The following ITIH5 variants were observed in gnomAD, a reference collection of about 807,000 sequenced individuals.
ITIH5 encodes the protein inter-alpha-trypsin inhibitor heavy chain H5.
A neutral mutation model predicts 77.5 loss-of-function variants in ITIH5; 65 were observed. That is an observed-to-expected ratio of 0.84 (90% CI 0.69 to 1.03). The LOEUF is 1.03. Ranked by LOEUF, ITIH5 falls within the 50% of genes least tolerant of loss-of-function variation. ITIH5 has a pLI of 0.00. For synonymous variants in ITIH5, 525 were observed against 494.3 expected, an observed-to-expected ratio of 1.06 and a Z score of -0.82; for missense variants, 1,208 against 1,213.1, an observed-to-expected ratio of 1.00 and a Z score of 0.06.
chr10:7,624,802 T>C lies in ITIH5; in HGVS notation c.653-7520A>G, dbSNP rs1564266492. On this transcript the variant is annotated intron_variant, in intron 5 of 13. Coordinates refer to ENST00000397146, the MANE Select transcript of ITIH5 (RefSeq NM_030569.7). ...CTCTGCCTAAAAAAAAAAAAAAATA[T>C]ATATATATATACACATATATATGTG... 5.1e-5 allele frequency among the ~76,000 whole-genome samples: 6 copies of C among 117,294 alleles called. 1 individual carries two copies. Among genetic ancestry groups the C allele is most frequent in the African/African-American group, 2.1e-4 (6 of 29,192 alleles). The allele number at this position is 117,294 out of a possible 152,430, so 76.9% of individuals were successfully genotyped here.
At chr10:7,639,953 A>C (rs1833856314) in intron 4 of ITIH5, among the ~76,000 whole-genome samples, 1 of 152,080 alleles carries the variant, frequency 6.6e-6, no homozygotes. Flanking sequence ...AAGATAGTCT[A>C]AACACTGTTG....
chr10:7,642,469 T>C (rs1021275788), intron 2 of ITIH5, among the ~76,000 whole-genome samples: 2 of 152,290 alleles, frequency 1.3e-5, no homozygotes, highest in East Asian at 3.9e-4. Context: ...TTATATCACA[T>C]TTACAGGACT....
rs191455717 is a variant in ITIH5, at chr10:7,634,043, C to T, written c.652+3185G>A. Among the ~76,000 whole-genome samples, 3 of 141,698 alleles carry T rather than the reference C, an allele frequency of 2.1e-5. No homozygotes were observed. In the East Asian group the frequency reaches 6.5e-4, roughly 31 times the overall value. 93.0% of individuals were successfully genotyped at this position (141,698 alleles called of 152,430 possible). A position where few individuals can be genotyped will look rare whatever the true frequency, so the allele number is the denominator to read the frequency against. On this transcript the variant is annotated intron_variant, in intron 5 of 13. Coordinates refer to ENST00000397146, the MANE Select transcript of ITIH5 (RefSeq NM_030569.7). Reference sequence around the variant, plus strand: ...GGCGGAGCTTGCAGTGAGCCGAGATCGCGCCACTGCACTCCAGCCTGGGCG... The same window carrying T: ...GGCGGAGCTTGCAGTGAGCCGAGATTGCGCCACTGCACTCCAGCCTGGGCG...
chr10:7,577,788 C>A lies in ITIH5; in HGVS notation c.1419-776G>T, dbSNP rs1588367511. 1.3e-5 allele frequency among the ~76,000 whole-genome samples: 2 copies of A among 152,306 alleles called. 1 individual carries two copies. The highest frequency in any genetic ancestry group is 4.2e-4 in the South Asian group (2 of 4,816). Reference sequence around the variant, plus strand: ...GTGTGTCTTGGGACATGTGACTTAACCTCTCTGAACTTGAGTTTCCTTATC... The same window carrying A: ...GTGTGTCTTGGGACATGTGACTTAAACTCTCTGAACTTGAGTTTCCTTATC... On this transcript the variant is annotated intron_variant, in intron 9 of 13. Transcript: ENST00000397146.
intron 7 of ITIH5, among the ~76,000 whole-genome samples, chr10:7,611,420 G>C (rs1833241669): frequency 6.6e-6 from 1 of 152,172 alleles, no homozygotes; most frequent in Non-Finnish European, 1.5e-5. Flanking sequence ...GGATAATTTG[G>C]GGCAGGGTTT....
intron 7 of ITIH5, among the ~76,000 whole-genome samples, chr10:7,608,802 GT>G (rs1456768514): frequency 6.6e-6 from 1 of 152,224 alleles, no homozygotes; most frequent in African/African-American, 2.4e-5. Context: ...CGCCCAAGGA[GT>G]GCTTAGTGTT....
chr10:7,633,945 C>T (rs1184807448), intron 5 of ITIH5, among the ~76,000 whole-genome samples: 1 of 151,844 alleles, frequency 6.6e-6, no homozygotes, highest in East Asian at 1.9e-4. Context: ...AAAAATTAGC[C>T]AGGCGTGGTG....
At chr10:7,600,675 A>T (rs1832996471) in intron 7 of ITIH5, 1 of 427,284 alleles carries the variant, frequency 2.3e-6, no homozygotes, top group Non-Finnish European at 4.7e-6. Context: ...CACAAGGGAC[A>T]GTTTGGGTCC....
In ITIH5 at chr10:7,585,942, C is replaced by T; in HGVS notation, c.1067G>A (p.Arg356Lys). 1 of 1,614,084 alleles carries T rather than the reference C, an allele frequency of 6.2e-7. No homozygotes were observed. Among genetic ancestry groups the T allele is most frequent in the Non-Finnish European group, 8.5e-7 (1 of 1,179,996 alleles). Residue 356 changes from arginine to lysine, a missense_variant, in exon 8 of 14, where the codon AGG becomes AAG. Transcript: ENST00000397146. ...HLISVTPDSI[R>K]DGKVYIHHMS... Reference sequence around the variant, plus strand: ...ATGGTGAATGTACACTTTCCCATCCCTGATGCTGTCTGGAGTGACTGATAT... The same window carrying T: ...ATGGTGAATGTACACTTTCCCATCCTTGATGCTGTCTGGAGTGACTGATAT...
rs139325324 is a variant in ITIH5 at position 7,637,694 on chromosome 10, C to T, written c.402-216G>A. Among the ~76,000 whole-genome samples the T allele has an allele frequency of 2.0e-3, 304 of 152,116 alleles. 1 individual carries two copies. The highest frequency in any genetic ancestry group is 3.7e-3 in the Non-Finnish European group (252 of 67,990). On this transcript the variant is annotated intron_variant, in intron 4 of 13. Coordinates refer to ENST00000397146, the MANE Select transcript of ITIH5 (RefSeq NM_030569.7). ...TAGGTCACGAAGGGTCAAAGAATAC[C>T]GACCAGGAGAGGATTCTAAGAATAC... is the stretch of plus-strand genomic sequence containing the variant.
chr10:7,564,889 CAT>C (rs918884425), intron 13 of ITIH5, among the ~76,000 whole-genome samples: 7 of 130,542 alleles, frequency 5.4e-5, no homozygotes, highest in Admixed American at 3.4e-4. Context: ...TACACACACA[CAT>C]ACATACATAT....
intron 5 of ITIH5, chr10:7,620,258 A>G (rs1833453053): frequency 6.6e-6 from 1 of 152,174 alleles, no homozygotes; most frequent in Non-Finnish European, 1.5e-5. Flanking sequence ...GGGATACCAC[A>G]AGGCAATAAA....
intron 7 of ITIH5, among the ~76,000 whole-genome samples, chr10:7,601,096 A>G (rs896370548): frequency 3.3e-5 from 5 of 152,066 alleles, no homozygotes; most frequent in African/African-American, 1.2e-4. Context: ...CTTAATTGTT[A>G]TTAATTTTAA....
chr10:7,600,646 T>C (rs942942751), intron 7 of ITIH5: 3 of 454,114 alleles, frequency 6.6e-6, no homozygotes, highest in Non-Finnish European at 1.3e-5. Context: ...AGCTAAGAAT[T>C]TGGCAAAGCC....
chr10:7,627,961 C>G (rs11819237), intron 5 of ITIH5, among the ~76,000 whole-genome samples: 30,830 of 150,844 alleles, frequency 0.2, 4,208 homozygotes, highest in African/African-American at 0.39. Flanking sequence ...CCTGCCTCAG[C>G]CTCCCAAGTA....
intron 7 of ITIH5, among the ~76,000 whole-genome samples, chr10:7,596,913 G>A (rs768570174): frequency 1.3e-5 from 2 of 151,628 alleles, no homozygotes; most frequent in South Asian, 2.1e-4. Flanking sequence ...CAGGCATGAC[G>A]GTGCATGCCT....
At chr10:7,615,878 T>C in intron 7 of ITIH5, 104 bp downstream of exon 7, 5 of 733,698 alleles carry the variant, frequency 6.8e-6, no homozygotes, top group Non-Finnish European at 1.2e-5. Flanking sequence ...AATCGCTGGA[T>C]GGTAAAGCTG....
At chr10:7,632,840 A>T (rs1833734212) in intron 5 of ITIH5, among the ~76,000 whole-genome samples, 1 of 152,146 alleles carries the variant, frequency 6.6e-6, no homozygotes, top group African/African-American at 2.4e-5. Context: ...TTCTCACTTG[A>T]TGTTTCTCAT....
chr10:7,617,094 G>A lies in ITIH5; in HGVS notation c.822+19C>T. 1.3e-6 allele frequency: 2 copies of A among 1,489,066 alleles called. No homozygotes were observed. Among genetic ancestry groups the A allele is most frequent in the Middle Eastern group, 1.8e-4 (1 of 5,604 alleles). 92.2% of individuals were successfully genotyped at this position (1,489,066 alleles called of 1,614,324 possible). ...AGTACCAACCAACCAACATGAAATA[G>A]CAACGACGATCCTATTACCTGGATG... On this transcript the variant is annotated intron_variant, in intron 6 of 13. Coordinates refer to ENST00000397146, the MANE Select transcript of ITIH5 (RefSeq NM_030569.7).
Sources: allele counts gnomAD v4.1 joint callset (sites outside exome capture counted in the v4.1 genomes callset), GRCh38; gene constraint gnomAD v4.1.1; transcripts MANE v1.5; gene names NCBI Gene and HGNC (gene_info 2026-07-23, HGNC 2026-07-21).